AGTPBP1: variants seen among roughly 807,000 people sequenced by gnomAD.
AGTPBP1 encodes cytosolic carboxypeptidase 1.
In AGTPBP1, 70 loss-of-function variants were observed where a neutral mutation model predicts 143.9. That is an observed-to-expected ratio of 0.49 (90% CI 0.40 to 0.59). AGTPBP1 has a LOEUF of 0.59. AGTPBP1 is among the 20% of genes least tolerant of loss of function. AGTPBP1 has a pLI of 0.00. For synonymous variants in AGTPBP1, 463 were observed against 500.2 expected, an observed-to-expected ratio of 0.93 and a Z score of 0.99; for missense variants, 1,229 against 1,464.5, an observed-to-expected ratio of 0.84 and a Z score of 2.62.
chr9:85,597,185 A>T (rs1829352484), intron 17 of AGTPBP1, among the ~76,000 whole-genome samples: 1 of 151,960 alleles, frequency 6.6e-6, no homozygotes, highest in Non-Finnish European at 1.5e-5. Flanking sequence ...TTTTTATAAG[A>T]TTCTTTTTTC....
At chr9:85,715,451 G>A (rs1182317976) in intron 1 of AGTPBP1, among the ~76,000 whole-genome samples, 1 of 151,974 alleles carries the variant, frequency 6.6e-6, no homozygotes. Flanking sequence ...TACAAAACAG[G>A]GCTAACTAAA....
At chr9:85,730,374 G>C (rs918965808) in intron 1 of AGTPBP1, among the ~76,000 whole-genome samples, 1 of 152,172 alleles carries the variant, frequency 6.6e-6, no homozygotes, top group Admixed American at 6.5e-5. Context: ...ACATTAAGCT[G>C]TGTCAGTAGA....
At chr9:85,755,491 AT>A in the AGTPBP1 span, among the ~76,000 whole-genome samples, 1 of 152,028 alleles carries the variant, frequency 6.6e-6, no homozygotes, top group African/African-American at 2.4e-5. Flanking sequence ...TACAATGCAA[AT>A]TGGCTTTCCT....
intron 25 of AGTPBP1, among the ~76,000 whole-genome samples, chr9:85,564,759 A>C (rs1488021777): frequency 6.6e-6 from 1 of 152,248 alleles, no homozygotes; most frequent in Non-Finnish European, 1.5e-5. Context: ...GAAATCACCT[A>C]ACAACACATT....
At chr9:85,705,433 T>C (rs1836922273) in intron 2 of AGTPBP1, among the ~76,000 whole-genome samples, 2 of 151,960 alleles carry the variant, frequency 1.3e-5, no homozygotes, top group South Asian at 4.1e-4. Context: ...TCCCAGCACT[T>C]TGGGAAGCTG....
chr9:85,768,627 C>T, the AGTPBP1 span, among the ~76,000 whole-genome samples: 1 of 152,076 alleles, frequency 6.6e-6, no homozygotes, highest in Admixed American at 6.5e-5. Flanking sequence ...GGGGTTTTTT[C>T]TTGTAAAGGT....
chr9:85,705,359 C>T (rs550731137), intron 2 of AGTPBP1, among the ~76,000 whole-genome samples: 1 of 151,690 alleles, frequency 6.6e-6, no homozygotes, highest in East Asian at 2.0e-4. Context: ...AGTATGACAA[C>T]AGAATTATCT....
At position 85,677,390 on chromosome 9, in the gene AGTPBP1, C is replaced by CA. The variant is rs1222794992; in HGVS notation, c.436+45dup. 3 of 1,549,862 alleles carry CA rather than the reference C, an allele frequency of 1.9e-6. No individual in the cohort carries two copies. The Admixed American group carries it at 6.1e-5, about 32-fold the overall frequency. ...TTACAAGGTGAGAGAATCACTGTTA[C>CA]AAAAATAGTTCTAGATACAATAATC... On this transcript the variant is annotated intron_variant, in intron 6 of 25. Coordinates refer to ENST00000357081, the MANE Select transcript of AGTPBP1 (RefSeq NM_001330701.2).
At chr9:85,548,198 T>C (rs954404871) in intron 25 of AGTPBP1, among the ~76,000 whole-genome samples, 4 of 152,166 alleles carry the variant, frequency 2.6e-5, no homozygotes, top group African/African-American at 4.8e-5. Context: ...AAAGGAACAA[T>C]ATCTGTTAAA....
chr9:85,780,994 G>T, the AGTPBP1 span, among the ~76,000 whole-genome samples: 465 of 152,282 alleles, frequency 3.1e-3, 1 homozygote, highest in African/African-American at 8.4e-3. Flanking sequence ...CTGGGCACCT[G>T]TAGTCCCAGC....
intron 25 of AGTPBP1, among the ~76,000 whole-genome samples, chr9:85,551,246 T>C (rs1035352853): frequency 3.9e-5 from 6 of 152,210 alleles, no homozygotes; most frequent in South Asian, 2.1e-4. Flanking sequence ...CCAGTTGCTA[T>C]AAAGGAATAC....
chr9:85,716,354 C>T (rs1223486914), intron 1 of AGTPBP1, among the ~76,000 whole-genome samples: 3 of 152,200 alleles, frequency 2.0e-5, no homozygotes, highest in Non-Finnish European at 4.4e-5. Context: ...TTCTTGTCCT[C>T]TTCTAACTAC....
chr9:85,701,027 C>T (rs938358916), intron 2 of AGTPBP1, among the ~76,000 whole-genome samples: 6 of 151,974 alleles, frequency 3.9e-5, no homozygotes, highest in African/African-American at 1.4e-4. Flanking sequence ...AAGGGATTCT[C>T]GTGCCTCAGC....
At chr9:85,618,907 A>G (rs1347956129) in intron 17 of AGTPBP1, 76 bp downstream of exon 17, 3 of 1,461,802 alleles carry the variant, frequency 2.1e-6, no homozygotes, top group Non-Finnish European at 2.7e-6. Flanking sequence ...AAAGTTGACA[A>G]TTTTTTTAAA....
At chr9:85,602,085 C>T (rs936723261) in intron 17 of AGTPBP1, among the ~76,000 whole-genome samples, 2 of 152,004 alleles carry the variant, frequency 1.3e-5, no homozygotes, top group Admixed American at 1.3e-4. Flanking sequence ...ACAAGAAACA[C>T]GAAAAAACAA....
At chr9:85,746,671 AT>A (rs1027549288), upstream of AGTPBP1, among the ~76,000 whole-genome samples, 4 of 152,020 alleles carry the variant, frequency 2.6e-5, no homozygotes, top group African/African-American at 9.6e-5. Flanking sequence ...GAGAAGCAAA[AT>A]TGAGTAGAGA....
chr9:85,628,604 G>A (rs549091616), intron 14 of AGTPBP1, among the ~76,000 whole-genome samples: 15 of 152,304 alleles, frequency 9.8e-5, no homozygotes, highest in South Asian at 4.1e-4. Flanking sequence ...CTGGAGAGAC[G>A]TGGATCACTC....
the AGTPBP1 span, among the ~76,000 whole-genome samples, chr9:85,779,546 G>C: frequency 6.6e-6 from 1 of 151,956 alleles, no homozygotes; most frequent in Non-Finnish European, 1.5e-5. Context: ...CCAGATTAAG[G>C]GTGGGTGTGC....
the AGTPBP1 span, among the ~76,000 whole-genome samples, chr9:85,796,039 G>C: frequency 6.6e-6 from 1 of 151,868 alleles, no homozygotes; most frequent in African/African-American, 2.4e-5. Flanking sequence ...TGTAAGGAAT[G>C]CATATGAGAA....
Sources: gnomAD v4.1 joint callset for allele counts (sites outside exome capture counted in the v4.1 genomes callset) on GRCh38, gnomAD v4.1.1 for gene constraint, MANE v1.5 for transcripts, NCBI Gene and HGNC (gene_info 2026-07-23, HGNC 2026-07-21) for gene names.